Variants in BNC2 observed in about 807,000 individuals in gnomAD.
The protein encoded by BNC2 is basonuclin zinc finger protein 2.
BNC2 carries 20 observed loss-of-function variants against 76.3 expected under a neutral mutation model. The ratio of observed to expected loss-of-function variants is 0.26; its 90% CI spans 0.18 to 0.38. The LOEUF (loss-of-function observed/expected upper bound fraction) is 0.38. Among genes scored for constraint, BNC2 ranks in the 10% least tolerant of loss-of-function variants. The probability of loss-of-function intolerance (pLI) is 1.00; values close to 1 mark genes in which losing one functional copy is unlikely to be tolerated. For missense variants in BNC2, 1,382 were observed against 1,399.8 expected (o/e 0.99, Z 0.20); for synonymous variants, 582 against 514.8 (o/e 1.13, Z -1.77).
chr9:16,453,199 C>T (rs1291419527), intron 5 of BNC2, among the ~76,000 whole-genome samples: 3 of 152,132 alleles, frequency 2.0e-5, no homozygotes, highest in Non-Finnish European at 4.4e-5. Context: ...TTCATCTATA[C>T]CCAAATCAGG....
At chr9:16,800,282 T>C (rs1331885862) in intron 1 of BNC2, among the ~76,000 whole-genome samples, 1 of 151,362 alleles carries the variant, frequency 6.6e-6, no homozygotes, top group African/African-American at 2.4e-5. Context: ...GGCAGGTGGA[T>C]GGAAAAACAG....
intron 1 of BNC2, among the ~76,000 whole-genome samples, chr9:16,759,534 G>C (rs1183502676): frequency 1.3e-5 from 2 of 151,528 alleles, no homozygotes; most frequent in African/African-American, 2.4e-5. Flanking sequence ...AAAATACATA[G>C]GAAGAAAAAA....
chr9:16,724,995 ATAAGCTAAGTAAATTTTACTTAG>A lies in BNC2; in HGVS notation c.330+2779_330+2801del, dbSNP rs1311546681. Reference sequence around the variant, plus strand: ...TAACCCAATAAATTTTATTCATTTCATAAGCTAAGTAAATTTTACTTAGAAATAAAATAATCATAATCTAGAGA... The same window carrying A: ...TAACCCAATAAATTTTATTCATTTCAAAATAAAATAATCATAATCTAGAGA... On this transcript the variant is annotated intron_variant, in intron 3 of 6. Coordinates refer to ENST00000380672, the MANE Select transcript of BNC2 (RefSeq NM_017637.6). 3.3e-5 allele frequency among the ~76,000 whole-genome samples: 5 copies of A among 152,160 alleles called. No homozygotes were observed. The East Asian group carries it at 5.8e-4, about 18-fold the overall frequency.
chr9:16,545,244 T>C (rs1379642284), intron 5 of BNC2, among the ~76,000 whole-genome samples: 2 of 152,200 alleles, frequency 1.3e-5, no homozygotes, highest in Admixed American at 6.5e-5. Flanking sequence ...AATCCAGGAT[T>C]TAAGGCTACT....
At chr9:16,524,492 GT>G (rs113060898) in intron 5 of BNC2, among the ~76,000 whole-genome samples, 10 of 150,640 alleles carry the variant, frequency 6.6e-5, no homozygotes, top group Admixed American at 6.0e-4. Flanking sequence ...TCCATTTCCT[GT>G]TTTTTTTTGG....
intron 3 of BNC2, among the ~76,000 whole-genome samples, chr9:16,676,325 C>G (rs1010363949): frequency 1.3e-5 from 2 of 152,108 alleles, no homozygotes; most frequent in African/African-American, 4.8e-5. Context: ...TGTGTATGTA[C>G]ATACAAAATC....
rs147902330 is a variant in BNC2, at chr9:16,410,513, C to T, written c.*8476G>A. On this transcript the variant is annotated 3_prime_UTR_variant, in exon 7 of 7. Transcript: ENST00000380672. ...TGAGATTCTCTGCAGGGCAGCTGAACCAAAGTTTGCACAGGAAAGCAAATG... is the reference window on the plus strand; with the variant it reads ...TGAGATTCTCTGCAGGGCAGCTGAATCAAAGTTTGCACAGGAAAGCAAATG... 4 of 152,752 alleles carry T rather than the reference C, an allele frequency of 2.6e-5. No individual in the cohort carries two copies. The highest frequency in any genetic ancestry group is 9.6e-5 in the African/African-American group (4 of 41,564). 9.5% of individuals were successfully genotyped at this position (152,752 alleles called of 1,614,324 possible). A position where few individuals can be genotyped will look rare whatever the true frequency, so the allele number is the denominator to read the frequency against.
At chr9:16,721,619 C>T (rs534113668) in intron 3 of BNC2, among the ~76,000 whole-genome samples, 119 of 152,204 alleles carry the variant, frequency 7.8e-4, no homozygotes, top group South Asian at 3.5e-3. Context: ...TTTCAAATGG[C>T]GAATTATTTC....
intron 3 of BNC2, among the ~76,000 whole-genome samples, chr9:16,665,996 A>G (rs993839408): frequency 6.6e-6 from 1 of 152,152 alleles, no homozygotes; most frequent in Non-Finnish European, 1.5e-5. Flanking sequence ...TATCTGGTAA[A>G]TTATCCCCAT....
Position 16,629,631 on chromosome 9 carries a change from A to G in BNC2, c.331-46546T>C, listed in dbSNP as rs541917776. Among the ~76,000 whole-genome samples, 10 of 152,156 alleles carry G rather than the reference A, an allele frequency of 6.6e-5. No individual in the cohort carries two copies. In the South Asian group the frequency reaches 2.1e-3, roughly 32 times the overall value. ...CAAACATCGGACGAACTCAGGTTCC[A>G]CTCCAAACCACCACATAAACCAAGT... is the stretch of plus-strand genomic sequence containing the variant. On this transcript the variant is annotated intron_variant, in intron 3 of 6. Transcript: ENST00000380672.
chr9:16,618,677 C>T (rs1348976381), intron 3 of BNC2, among the ~76,000 whole-genome samples: 2 of 152,180 alleles, frequency 1.3e-5, no homozygotes, highest in African/African-American at 2.4e-5. Context: ...CCAGAAAGGA[C>T]AGATACTCAT....
intron 5 of BNC2, among the ~76,000 whole-genome samples, chr9:16,446,029 T>A (rs537589379): frequency 6.6e-6 from 1 of 152,324 alleles, no homozygotes; most frequent in East Asian, 1.9e-4. Flanking sequence ...AAATAACTTA[T>A]TAGTCTTTGT....
intron 4 of BNC2, among the ~76,000 whole-genome samples, chr9:16,556,524 C>T (rs1245853256): frequency 6.6e-6 from 1 of 151,878 alleles, no homozygotes; most frequent in Non-Finnish European, 1.5e-5. Context: ...AATCCCAGCA[C>T]TTTGGGAGGC....
intron 5 of BNC2, among the ~76,000 whole-genome samples, chr9:16,496,111 G>A (rs1027973935): frequency 2.6e-5 from 4 of 152,010 alleles, no homozygotes; most frequent in Middle Eastern, 3.4e-3. Flanking sequence ...GTTTCGCCAT[G>A]TTGGACAGGC....
intron 4 of BNC2, among the ~76,000 whole-genome samples, chr9:16,562,458 A>T (rs1819042953): frequency 6.6e-6 from 1 of 152,208 alleles, no homozygotes; most frequent in Admixed American, 6.5e-5. Context: ...GTGTGGATAG[A>T]AATGTTACCT....
At chr9:16,626,471 TCA>T (rs1446833629) in intron 3 of BNC2, 1 of 152,108 alleles carries the variant, frequency 6.6e-6, no homozygotes, top group African/African-American at 2.4e-5. Flanking sequence ...CTTTCATCTC[TCA>T]GTTATCCCCT....
intron 5 of BNC2, among the ~76,000 whole-genome samples, chr9:16,496,102 T>C (rs1158594769): frequency 1.3e-5 from 2 of 151,414 alleles, no homozygotes; most frequent in Non-Finnish European, 2.9e-5. Context: ...AGAGACAGGG[T>C]TTCGCCATGT....
chr9:16,615,829 T>G (rs932229438), intron 3 of BNC2, among the ~76,000 whole-genome samples: 9 of 152,192 alleles, frequency 5.9e-5, no homozygotes, highest in African/African-American at 2.2e-4. Context: ...ATACTTCACA[T>G]GCATGAATTA....
Position 16,596,540 on chromosome 9 carries a change from A to G in BNC2, c.331-13455T>C, listed in dbSNP as rs1174454803. Among the ~76,000 whole-genome samples, 3 of 152,252 alleles carry G rather than the reference A, an allele frequency of 2.0e-5. 1 individual carries two copies. The South Asian group carries it at 6.2e-4, about 32-fold the overall frequency. On this transcript the variant is annotated intron_variant, in intron 3 of 6. Transcript: ENST00000380672. ...CATTTGTTTGTGGATCTATGGAGAC[A>G]TTTGGGACAGAATATGGATACTGGC...
Sources: allele counts gnomAD v4.1 joint callset (sites outside exome capture counted in the v4.1 genomes callset), GRCh38; gene constraint gnomAD v4.1.1; transcripts MANE v1.5; gene names NCBI Gene and HGNC (gene_info 2026-07-23, HGNC 2026-07-21).